Variants in GPR39 observed in about 807,000 individuals in gnomAD.
The protein encoded by GPR39 is zinc sensing receptor.
A neutral mutation model predicts 18.4 loss-of-function variants in GPR39; 23 were observed. The ratio of observed to expected loss-of-function variants is 1.25; its 90% CI spans 0.90 to 1.77. The LOEUF (loss-of-function observed/expected upper bound fraction) is 1.77, where lower values mean the gene tolerates loss of function less well. Among genes scored for constraint, GPR39 ranks in the 40% most tolerant of loss-of-function variants. The probability of loss-of-function intolerance (pLI) is 0.00; values close to 1 mark genes in which losing one functional copy is unlikely to be tolerated. For missense variants in GPR39, 647 were observed against 602.4 expected, an observed-to-expected ratio of 1.07 and a Z score of -0.78; for synonymous variants, 280 against 257.9, an observed-to-expected ratio of 1.09 and a Z score of -0.82.
At chr2:132,534,696 G>A (rs1211016161) in intron 1 of GPR39, among the ~76,000 whole-genome samples, 4 of 151,968 alleles carry the variant, frequency 2.6e-5, no homozygotes, top group Admixed American at 1.3e-4. Flanking sequence ...GTAGGGACAT[G>A]GATGAAGCTG....
intron 1 of GPR39, among the ~76,000 whole-genome samples, chr2:132,525,106 C>T (rs900461499): frequency 3.3e-5 from 5 of 152,176 alleles, no homozygotes; most frequent in African/African-American, 1.2e-4. Flanking sequence ...TCTTCAAGCA[C>T]CAGTTGAAAT....
chr2:132,517,125 C>G (rs1210253289), intron 1 of GPR39, among the ~76,000 whole-genome samples: 2 of 151,914 alleles, frequency 1.3e-5, no homozygotes, highest in Admixed American at 1.3e-4. Context: ...ATGTAAAAAG[C>G]AAAGTCACTC....
intron 1 of GPR39, among the ~76,000 whole-genome samples, chr2:132,591,257 C>CAAAAAAAAAAA (rs747314988): frequency 4.1e-5 from 1 of 24,596 alleles, no homozygotes; most frequent in Non-Finnish European, 6.9e-5. Context: ...GACTCCGTCT[C>CAAAAAAAAAAA]AAAAAAAAAA....
chr2:132,604,049 C>G (rs965753733), intron 1 of GPR39, among the ~76,000 whole-genome samples: 6 of 152,120 alleles, frequency 3.9e-5, no homozygotes, highest in Non-Finnish European at 8.8e-5. Flanking sequence ...ACCAAGGACT[C>G]CTACCTCCAA....
At chr2:132,528,891 G>A (rs555415117) in intron 1 of GPR39, among the ~76,000 whole-genome samples, 2 of 152,102 alleles carry the variant, frequency 1.3e-5, no homozygotes, top group Non-Finnish European at 2.9e-5. Context: ...TGGGGGTGGA[G>A]CCAAGATGAC....
intron 1 of GPR39, among the ~76,000 whole-genome samples, chr2:132,539,340 C>T (rs932361644): frequency 6.6e-6 from 1 of 152,144 alleles, no homozygotes; most frequent in African/African-American, 2.4e-5. Context: ...AGTGACGCCT[C>T]ACCCTGCTTC....
chr2:132,553,347 GTA>G (rs983985487), intron 1 of GPR39, among the ~76,000 whole-genome samples: 15 of 137,336 alleles, frequency 1.1e-4, no homozygotes, highest in Middle Eastern at 4.0e-3. Context: ...ATGTATATGT[GTA>G]TATATATATG....
chr2:132,469,072 G>T (rs1558807328), intron 1 of GPR39, among the ~76,000 whole-genome samples: 1 of 152,192 alleles, frequency 6.6e-6, no homozygotes, highest in Admixed American at 6.5e-5. Flanking sequence ...GATTCAAAGG[G>T]CTTGGGACAT....
chr2:132,510,845 A>T (rs12691822), intron 1 of GPR39, among the ~76,000 whole-genome samples: 1 of 151,964 alleles, frequency 6.6e-6, no homozygotes, highest in African/African-American at 2.4e-5. Context: ...ACCTGATTGT[A>T]TGTTGCATTT....
chr2:132,476,680 A>G (rs917828061), intron 1 of GPR39, among the ~76,000 whole-genome samples: 67 of 148,820 alleles, frequency 4.5e-4, no homozygotes, highest in Admixed American at 1.3e-3. Context: ...ATGTAAAGAT[A>G]TGTTCCCAGG....
chr2:132,433,168 AC>A (rs1454871496), intron 1 of GPR39, among the ~76,000 whole-genome samples: 1 of 152,224 alleles, frequency 6.6e-6, no homozygotes, highest in Admixed American at 6.5e-5. Context: ...TAAAATATAC[AC>A]AAATCTTTTA....
intron 1 of GPR39, among the ~76,000 whole-genome samples, chr2:132,570,840 T>C (rs1680429949): frequency 6.6e-6 from 1 of 152,096 alleles, no homozygotes; most frequent in African/African-American, 2.4e-5. Flanking sequence ...CCCCCGTTGG[T>C]TCAAATTCTG....
chr2:132,546,751 C>A (rs967046844), intron 1 of GPR39, among the ~76,000 whole-genome samples: 1 of 146,464 alleles, frequency 6.8e-6, no homozygotes, highest in Admixed American at 7.0e-5. Flanking sequence ...CTTGACAGTT[C>A]CGGGGCCTCT....
intron 1 of GPR39, among the ~76,000 whole-genome samples, chr2:132,624,410 G>A (rs1309255779): frequency 6.6e-6 from 1 of 152,172 alleles, no homozygotes; most frequent in Non-Finnish European, 1.5e-5. Flanking sequence ...CTTCATGATA[G>A]TGACCATGAC....
chr2:132,551,563 G>C (rs549298843), intron 1 of GPR39, among the ~76,000 whole-genome samples: 62 of 152,280 alleles, frequency 4.1e-4, no homozygotes, highest in Non-Finnish European at 8.1e-4. Context: ...GCAGTGGAAG[G>C]TTTTTGGTGT....
intron 1 of GPR39, among the ~76,000 whole-genome samples, chr2:132,629,269 G>C (rs1362227165): frequency 6.6e-6 from 1 of 152,198 alleles, no homozygotes. Flanking sequence ...TGGATGTCTT[G>C]TTAAAATGCA....
At chr2:132,444,650 T>C (rs1274232297) in intron 1 of GPR39, among the ~76,000 whole-genome samples, 1 of 152,218 alleles carries the variant, frequency 6.6e-6, no homozygotes, top group Non-Finnish European at 1.5e-5. Context: ...TGCTGGAGTC[T>C]GGCAGTGTTT....
intron 1 of GPR39, among the ~76,000 whole-genome samples, chr2:132,500,381 T>G (rs1198376830): frequency 2.0e-5 from 3 of 152,214 alleles, no homozygotes; most frequent in African/African-American, 4.8e-5. Flanking sequence ...TGTATCACAC[T>G]TATTGACTTA....
intron 1 of GPR39, among the ~76,000 whole-genome samples, chr2:132,430,733 A>G (rs1046160359): frequency 2.0e-5 from 3 of 152,164 alleles, no homozygotes; most frequent in Non-Finnish European, 4.4e-5. Context: ...TCAAGACTGC[A>G]TGCAGTGAGA....
Sources: allele counts gnomAD v4.1 joint callset (sites outside exome capture counted in the v4.1 genomes callset), GRCh38; gene constraint gnomAD v4.1.1; transcripts MANE v1.5; gene names NCBI Gene and HGNC (gene_info 2026-07-23, HGNC 2026-07-21).